TNS3: variants seen among roughly 807,000 people sequenced by gnomAD.
TNS3 encodes the protein tensin 3.
In TNS3, 45 loss-of-function variants were observed where a neutral mutation model predicts 140.9. The ratio of observed to expected loss-of-function variants is 0.32; its 90% confidence interval spans 0.25 to 0.41. TNS3 has a LOEUF of 0.41. TNS3 is among the 10% of genes least tolerant of loss of function. TNS3 has a pLI of 1.00. For missense variants in TNS3, 1,716 were observed against 1,906.7 expected (o/e 0.90, Z 1.86); for synonymous variants, 815 against 788.4 (o/e 1.03, Z -0.56).
chr7:47,306,144 C>T (rs1786739432), intron 20 of TNS3, among the ~76,000 whole-genome samples: 1 of 152,162 alleles, frequency 6.6e-6, no homozygotes, highest in Non-Finnish European at 1.5e-5. Context: ...ACTAAGAATA[C>T]TCTGAAAGGA....
chr7:47,320,595 T>C (rs1159659673), intron 20 of TNS3, among the ~76,000 whole-genome samples: 1 of 152,214 alleles, frequency 6.6e-6, no homozygotes, highest in Admixed American at 6.5e-5. Context: ...TGTCCTCACA[T>C]GGTCTTCCCT....
intron 16 of TNS3, among the ~76,000 whole-genome samples, chr7:47,382,347 C>A (rs1417145551): frequency 2.0e-5 from 3 of 152,188 alleles, no homozygotes; most frequent in Non-Finnish European, 4.4e-5. Flanking sequence ...TGGCAACAGG[C>A]ACCCACTGGT....
rs751390814 is a variant in TNS3 at position 47,303,480 on chromosome 7, G to A, written c.2927C>T (p.Ser976Phe). 5.6e-6 allele frequency: 9 copies of A among 1,611,332 alleles called. No individual in the cohort carries two copies. Among genetic ancestry groups the A allele is most frequent in the South Asian group, 3.3e-5 (3 of 91,066 alleles). The change falls in exon 22 of 31, where the codon TCC becomes TTC. Residue 976 changes from serine (S) to phenylalanine (F), a missense_variant. Coordinates refer to ENST00000311160, the MANE Select transcript of TNS3 (RefSeq NM_022748.12). Reference protein sequence around the residue: ...PTGSPLSAEFSGTRKDSPVLS... With the variant: ...PTGSPLSAEFFGTRKDSPVLS... ...CACTGGGGAGTCCTTCCTGGTACCG[G>A]AGAACTCAGCGCTGAGGGGACTTCC...
At chr7:47,506,124 C>T (rs367582023) in intron 3 of TNS3, among the ~76,000 whole-genome samples, 1 of 152,306 alleles carries the variant, frequency 6.6e-6, no homozygotes, top group African/African-American at 2.4e-5. Context: ...ACCTACAGAG[C>T]CCCCATAGGC....
intron 9 of TNS3, among the ~76,000 whole-genome samples, chr7:47,426,292 G>A (rs1455288798): frequency 1.3e-5 from 2 of 151,982 alleles, no homozygotes; most frequent in Non-Finnish European, 1.5e-5. Flanking sequence ...AAACACACAC[G>A]TACACAAAAC....
intron 12 of TNS3, among the ~76,000 whole-genome samples, chr7:47,412,860 A>C (rs1793852703): frequency 6.6e-6 from 1 of 152,236 alleles, no homozygotes; most frequent in Non-Finnish European, 1.5e-5. Flanking sequence ...CTTTACATTG[A>C]ATTAGGTATT....
At chr7:47,335,889 C>T (rs1788604026) in intron 20 of TNS3, among the ~76,000 whole-genome samples, 1 of 152,250 alleles carries the variant, frequency 6.6e-6, no homozygotes, top group African/African-American at 2.4e-5. Context: ...CTCAGAGCCA[C>T]TATATGTGTG....
At chr7:47,506,758 A>T in intron 3 of TNS3, 149 bp downstream of exon 3, 1 of 393,908 alleles carries the variant, frequency 2.5e-6, no homozygotes, top group Non-Finnish European at 4.4e-6. Flanking sequence ...TATCCTTGAG[A>T]TGAAAAGTAT....
intron 3 of TNS3, among the ~76,000 whole-genome samples, chr7:47,484,422 T>G (rs1027049007): frequency 1.6e-4 from 24 of 152,196 alleles, no homozygotes; most frequent in African/African-American, 5.8e-4. Flanking sequence ...GAAAAGAGAC[T>G]GTATTTCCGT....
chr7:47,511,462 C>A (rs530041262), intron 2 of TNS3, among the ~76,000 whole-genome samples: 1 of 88,100 alleles, frequency 1.1e-5, no homozygotes, highest in Admixed American at 1.2e-4. Context: ...TGGTTCATTA[C>A]CATTGCTTTT....
In TNS3 at chr7:47,437,223, A is replaced by C. The variant is rs752673410; in HGVS notation, c.201+40T>G. ...TTTGCACAAAATAAGCATTGTTTACATTTTACAAAATGCAGAATATAAAGG... is the reference window on the plus strand; with the variant it reads ...TTTGCACAAAATAAGCATTGTTTACCTTTTACAAAATGCAGAATATAAAGG... On this transcript the variant is annotated intron_variant, in intron 7 of 30. Coordinates refer to ENST00000311160, the MANE Select transcript of TNS3 (RefSeq NM_022748.12). The C allele has an allele frequency of 4.9e-6, 7 of 1,424,198 alleles. No individual in the cohort carries two copies. The South Asian group carries it at 9.3e-5, about 19-fold the overall frequency. 88.2% of individuals were successfully genotyped at this position (1,424,198 alleles called of 1,614,324 possible).
At chr7:47,365,315 C>T (rs542423005) in intron 17 of TNS3, among the ~76,000 whole-genome samples, 7 of 152,086 alleles carry the variant, frequency 4.6e-5, no homozygotes, top group Non-Finnish European at 1.0e-4. Flanking sequence ...CATGGAGGTG[C>T]ACGCCTGTAG....
At chr7:47,381,887 T>A (rs748050411) in intron 16 of TNS3, among the ~76,000 whole-genome samples, 4 of 152,216 alleles carry the variant, frequency 2.6e-5, no homozygotes, top group Non-Finnish European at 5.9e-5. Context: ...ATCACTGCAA[T>A]AAAGGCAGTG....
rs193074107 is a variant in TNS3, at chr7:47,512,795, G to A, written c.-152-5851C>T. Among the ~76,000 whole-genome samples the A allele has an allele frequency of 2.3e-4, 35 of 152,282 alleles. 1 individual carries two copies. The East Asian group carries it at 6.6e-3, about 29-fold the overall frequency. ...GATGCATCAATCATAGAACTGATTC[G>A]GAATTGGAAAAGCTGAAATGAATTA... is the stretch of plus-strand genomic sequence containing the variant. On this transcript the variant is annotated intron_variant, in intron 2 of 30. Transcript: ENST00000311160.
chr7:47,376,294 T>C (rs1791381197), intron 16 of TNS3, among the ~76,000 whole-genome samples: 1 of 152,194 alleles, frequency 6.6e-6, no homozygotes, highest in South Asian at 2.1e-4. Context: ...CGGAGCAGTG[T>C]GTGAGAAGAA....
intron 3 of TNS3, among the ~76,000 whole-genome samples, chr7:47,505,691 G>A (rs943063332): frequency 1.3e-5 from 2 of 152,178 alleles, no homozygotes; most frequent in African/African-American, 4.8e-5. Flanking sequence ...AAGAAATAGA[G>A]CTATACTAGT....
At position 47,430,489 on chromosome 7, in the gene TNS3, C is replaced by T. The variant is rs142143574; in HGVS notation, c.325-2113G>A. On this transcript the variant is annotated intron_variant, in intron 8 of 30. Transcript: ENST00000311160. ...ATAGAAATACCACAACCGTACGGGACTTCAGTACCCCATTTTCAACAATGG... is the reference window on the plus strand; with the variant it reads ...ATAGAAATACCACAACCGTACGGGATTTCAGTACCCCATTTTCAACAATGG... 6.0e-3 allele frequency among the ~76,000 whole-genome samples: 920 copies of T among 152,200 alleles called. 5 individuals carry two copies. The highest frequency in any genetic ancestry group is 0.021 in the African/African-American group (852 of 41,506).
At chr7:47,362,966 G>C (rs368131009) in intron 17 of TNS3, among the ~76,000 whole-genome samples, 10 of 212 alleles carry the variant, frequency 0.047, no homozygotes, top group Non-Finnish European at 0.085. Context: ...ACCATCATCA[G>C]AGTCATTTAC....
intron 16 of TNS3, among the ~76,000 whole-genome samples, chr7:47,377,094 A>G (rs1276489688): frequency 6.6e-6 from 1 of 152,180 alleles, no homozygotes; most frequent in Non-Finnish European, 1.5e-5. Context: ...GCCAGGAACC[A>G]TCCTGTCCCT....
Sources: allele counts gnomAD v4.1 joint callset (sites outside exome capture counted in the v4.1 genomes callset), GRCh38; gene constraint gnomAD v4.1.1; transcripts MANE v1.5; gene names NCBI Gene and HGNC (gene_info 2026-07-23, HGNC 2026-07-21).